Variants in KIF16B observed in about 807,000 individuals in gnomAD.
KIF16B encodes kinesin family member 16B, also known as kinesin-like protein KIF16B.
A neutral mutation model predicts 156.3 loss-of-function variants in KIF16B; 98 were observed. The observed-to-expected ratio is 0.63, with a 90% CI of 0.53 to 0.74. The LOEUF (loss-of-function observed/expected upper bound fraction) is 0.74. KIF16B is among the 30% of genes least tolerant of loss of function. The pLI is 0.00. For synonymous variants in KIF16B, 564 were observed against 583.7 expected (o/e 0.97, Z 0.49); for missense variants, 1,421 against 1,606.5 (o/e 0.88, Z 1.97).
intron 1 of KIF16B, among the ~76,000 whole-genome samples, chr20:16,569,366 C>T (rs1429337780): frequency 6.6e-6 from 1 of 152,166 alleles, no homozygotes; most frequent in Non-Finnish European, 1.5e-5. Context: ...GAGCTAGGAC[C>T]AGAGAGTCTG....
chr20:16,555,339 G>A (rs903562813), intron 1 of KIF16B, among the ~76,000 whole-genome samples: 40 of 149,820 alleles, frequency 2.7e-4, no homozygotes, highest in African/African-American at 8.9e-4. Flanking sequence ...AGAGTGCCAC[G>A]TATAAAACAA....
At chr20:16,324,925 C>T (rs902657104) in intron 24 of KIF16B, among the ~76,000 whole-genome samples, 6 of 151,962 alleles carry the variant, frequency 3.9e-5, no homozygotes, top group African/African-American at 1.5e-4. Context: ...TAACCAAATC[C>T]AACAGCGTAT....
At chr20:16,367,213 A>G (rs2064687598) in intron 22 of KIF16B, 17 of 1,612,364 alleles carry the variant, frequency 1.1e-5, no homozygotes, top group Non-Finnish European at 1.4e-5. Context: ...AAGTTTCCAG[A>G]CCTCAGGTGC....
chr20:16,366,956 T>C, intron 22 of KIF16B: 2 of 1,262,164 alleles, frequency 1.6e-6, no homozygotes, highest in Non-Finnish European at 2.0e-6. Context: ...ATTGGGGCTC[T>C]GCTATTAGCT....
intron 1 of KIF16B, among the ~76,000 whole-genome samples, chr20:16,556,467 T>C (rs1044463893): frequency 2.0e-5 from 3 of 152,218 alleles, no homozygotes; most frequent in Non-Finnish European, 2.9e-5. Flanking sequence ...ATCATGACTG[T>C]ATACATCCAT....
At chr20:16,326,341 A>G (rs2122846042) in intron 24 of KIF16B, among the ~76,000 whole-genome samples, 1 of 152,232 alleles carries the variant, frequency 6.6e-6, no homozygotes, top group South Asian at 2.1e-4. Flanking sequence ...CAGCAAAAGA[A>G]ATAATCAGCA....
At chr20:16,392,651 C>G (rs1448744431) in intron 17 of KIF16B, among the ~76,000 whole-genome samples, 3 of 152,228 alleles carry the variant, frequency 2.0e-5, no homozygotes, top group African/African-American at 7.2e-5. Context: ...AAATGTGCGC[C>G]TCTGTATCCC....
intron 24 of KIF16B, among the ~76,000 whole-genome samples, chr20:16,315,375 C>T (rs2063682419): frequency 6.6e-6 from 1 of 152,138 alleles, no homozygotes; most frequent in South Asian, 2.1e-4. Context: ...CACCCAAGCC[C>T]AGAGCTAAGT....
chr20:16,282,221 T>G (rs1471267123), intron 25 of KIF16B, among the ~76,000 whole-genome samples: 1 of 151,782 alleles, frequency 6.6e-6, no homozygotes, highest in African/African-American at 2.4e-5. Flanking sequence ...TTAGTAGAGA[T>G]GGGGTTTCAC....
At chr20:16,511,624 C>T (rs981279444) in intron 5 of KIF16B, 97 bp from the exon 6 acceptor site, 29 of 704,614 alleles carry the variant, frequency 4.1e-5, no homozygotes, top group Non-Finnish European at 6.8e-5. Flanking sequence ...CATAAATGGC[C>T]ACAGCAGCAG....
At chr20:16,382,752 C>T (rs1348211490) in intron 17 of KIF16B, among the ~76,000 whole-genome samples, 1 of 151,884 alleles carries the variant, frequency 6.6e-6, no homozygotes, top group African/African-American at 2.4e-5. Flanking sequence ...GCTACCTCCC[C>T]CCACCCCACC....
intron 19 of KIF16B, among the ~76,000 whole-genome samples, chr20:16,377,800 T>C (rs1396323555): frequency 6.6e-6 from 1 of 152,186 alleles, no homozygotes; most frequent in Non-Finnish European, 1.5e-5. Context: ...CCAGAAAAGG[T>C]GTCCTCAAAT....
At chr20:16,428,028 T>A (rs934596956) in intron 14 of KIF16B, among the ~76,000 whole-genome samples, 1 of 152,124 alleles carries the variant, frequency 6.6e-6, no homozygotes, top group Non-Finnish European at 1.5e-5. Context: ...GTTCTTACCA[T>A]CATTTATAGC....
At chr20:16,368,543 G>A (rs1177573084) in intron 22 of KIF16B, 17 of 985,890 alleles carry the variant, frequency 1.7e-5, no homozygotes, top group Non-Finnish European at 1.9e-5. Context: ...GTGCCAGCCT[G>A]AAGCAGGTGA....
In KIF16B at chr20:16,504,416, C is replaced by T; in HGVS notation, c.1132G>A (p.Ala378Thr). 1 of 1,614,128 alleles carries T rather than the reference C, an allele frequency of 6.2e-7. No homozygotes were observed. Among genetic ancestry groups the T allele is most frequent in the African/African-American group, 1.3e-5 (1 of 75,032 alleles). ...ANVKLIRELR[A>T]EIARLKTLLA... ...AGCGTTTTCAGTCTGGCTATTTCAG[C>T]TCGCAGCTCACGGATAAGTTTGACG... The change falls in exon 10 of 26, where the codon GCT (alanine) becomes ACT (threonine). Residue 378 changes from alanine to threonine, a missense_variant. Physicochemically the swap from Ala to Thr is moderately conservative, Grantham distance 58. Coordinates refer to ENST00000354981, the MANE Select transcript of KIF16B (RefSeq NM_024704.5).
At position 16,528,433 on chromosome 20, in the gene KIF16B, C is replaced by A; in HGVS notation, c.55G>T (p.Asp19Tyr). 1 of 1,608,902 alleles carries A rather than the reference C, an allele frequency of 6.2e-7. No homozygotes were observed. Among genetic ancestry groups the A allele is most frequent in the South Asian group, 1.1e-5 (1 of 90,978 alleles). Residue 19 changes from aspartate to tyrosine, a missense_variant, in exon 2 of 26, where the codon GAC becomes TAC. Coordinates refer to ENST00000354981, the MANE Select transcript of KIF16B (RefSeq NM_024704.5). ...TGAATAATGAACTTGGCCTCCAAGT[C>A]CTTTTCCCTGCAATACAAATAATTC... Reference protein sequence around the residue: ...RVRPMNRREKDLEAKFIIQME... With the variant: ...RVRPMNRREKYLEAKFIIQME...
chr20:16,463,729 G>A (rs1421812527), intron 12 of KIF16B, among the ~76,000 whole-genome samples: 3 of 152,164 alleles, frequency 2.0e-5, no homozygotes, highest in Non-Finnish European at 2.9e-5. Context: ...CCCAGAAATT[G>A]AGAAAGTAAA....
At chr20:16,551,645 C>A (rs1054728340) in intron 1 of KIF16B, among the ~76,000 whole-genome samples, 1 of 152,196 alleles carries the variant, frequency 6.6e-6, no homozygotes, top group Non-Finnish European at 1.5e-5. Flanking sequence ...TCCTTGAAAT[C>A]GAATACACTA....
At chr20:16,358,246 T>C (rs1027920287) in intron 22 of KIF16B, among the ~76,000 whole-genome samples, 4 of 152,152 alleles carry the variant, frequency 2.6e-5, no homozygotes, top group African/African-American at 9.7e-5. Context: ...CAGTCACACA[T>C]ACACCTGTGA....
Sources: allele counts gnomAD v4.1 joint callset (sites outside exome capture counted in the v4.1 genomes callset), GRCh38; gene constraint gnomAD v4.1.1; transcripts MANE v1.5; gene names NCBI Gene and HGNC (gene_info 2026-07-23, HGNC 2026-07-21).